The following EPHA7 variants were observed in gnomAD, a reference collection of about 807,000 sequenced individuals.
The protein encoded by EPHA7 is ephrin type-A receptor 7.
Under a neutral mutation model 112.6 loss-of-function variants are expected in EPHA7, and 25 were observed. The observed-to-expected ratio is 0.22, with a 90% CI of 0.16 to 0.31. The LOEUF (loss-of-function observed/expected upper bound fraction) is 0.31. Ranked by LOEUF, EPHA7 falls within the 10% of genes least tolerant of loss-of-function variation. The pLI is 1.00. For missense variants in EPHA7, 962 were observed against 1,212.6 expected (o/e 0.79, Z 3.07); for synonymous variants, 437 against 406.5 (o/e 1.07, Z -0.90).
chr6:93,342,269 C>T (rs1274035872), intron 5 of EPHA7, among the ~76,000 whole-genome samples: 6 of 151,152 alleles, frequency 4.0e-5, no homozygotes, highest in African/African-American at 1.5e-4. Flanking sequence ...TTCACTCTTG[C>T]TGTCCTATCC....
intron 1 of EPHA7, among the ~76,000 whole-genome samples, chr6:93,415,627 T>C (rs1036824065): frequency 1.3e-5 from 2 of 152,100 alleles, no homozygotes; most frequent in African/African-American, 4.8e-5. Context: ...ATTACTCTTC[T>C]AAAGCACTCA....
chr6:93,279,805 A>C (rs979592252), intron 5 of EPHA7, among the ~76,000 whole-genome samples: 1 of 152,034 alleles, frequency 6.6e-6, no homozygotes, highest in African/African-American at 2.4e-5. Context: ...TGAAAGAAGC[A>C]TTTCTTTTTC....
chr6:93,367,731 AAAT>A (rs148035862), intron 3 of EPHA7, among the ~76,000 whole-genome samples: 229 of 152,272 alleles, frequency 1.5e-3, no homozygotes, highest in African/African-American at 5.2e-3. Context: ...AAAATAGAGA[AAAT>A]AATAATAAGA....
chr6:93,345,879 A>T (rs545993725), intron 5 of EPHA7, among the ~76,000 whole-genome samples: 157 of 151,702 alleles, frequency 1.0e-3, no homozygotes, highest in Admixed American at 3.0e-3. Context: ...GCATCATTCC[A>T]CCAGATTGCT....
Position 93,325,119 on chromosome 6 carries a change from G to T in EPHA7, c.1324+31598C>A, listed in dbSNP as rs971880322. ...CTGAGTGAAGATTCTACCAGCTGAA[G>T]AAATATTTAGAATTGCCAGGAATAA... On this transcript the variant is annotated intron_variant, in intron 5 of 16. Coordinates refer to ENST00000369303, the MANE Select transcript of EPHA7 (RefSeq NM_004440.4). Among the ~76,000 whole-genome samples, 23 of 151,292 alleles carry T rather than the reference G, an allele frequency of 1.5e-4. 1 individual carries two copies. The highest frequency in any genetic ancestry group is 6.8e-3 in the Middle Eastern group (2 of 294).
At chr6:93,415,000 A>C (rs779904160) in intron 1 of EPHA7, among the ~76,000 whole-genome samples, 7 of 152,038 alleles carry the variant, frequency 4.6e-5, no homozygotes, top group Admixed American at 1.3e-4. Context: ...TAATTACAAT[A>C]TTAAATCTTA....
chr6:93,347,105 G>T (rs914981702), intron 5 of EPHA7, among the ~76,000 whole-genome samples: 6 of 151,752 alleles, frequency 4.0e-5, no homozygotes, highest in African/African-American at 1.4e-4. Flanking sequence ...TTACAAATTT[G>T]TATCTCCAAA....
chr6:93,407,606 C>G (rs1046761570), intron 3 of EPHA7, among the ~76,000 whole-genome samples: 10 of 152,080 alleles, frequency 6.6e-5, no homozygotes, highest in Admixed American at 6.6e-4. Context: ...TTCGATTAAA[C>G]CATAAGGCAG....
At chr6:93,356,652 C>T in intron 5 of EPHA7, 65 bp downstream of exon 5, 4 of 1,395,780 alleles carry the variant, frequency 2.9e-6, no homozygotes, top group Non-Finnish European at 3.0e-6. Context: ...ACTAAATGTT[C>T]AAGTAAGACA....
chr6:93,402,316 A>G (rs1398401772), intron 3 of EPHA7, among the ~76,000 whole-genome samples: 5 of 152,050 alleles, frequency 3.3e-5, no homozygotes, highest in Non-Finnish European at 7.4e-5. Context: ...TAAAACCTAC[A>G]ATGTTCTAAT....
chr6:93,244,960 T>A (rs1250005556), intron 16 of EPHA7, among the ~76,000 whole-genome samples: 1 of 152,162 alleles, frequency 6.6e-6, no homozygotes, highest in Non-Finnish European at 1.5e-5. Flanking sequence ...TGGATGGTGT[T>A]TAGAACACCA....
chr6:93,340,473 C>T (rs1034870860), intron 5 of EPHA7, among the ~76,000 whole-genome samples: 5 of 151,618 alleles, frequency 3.3e-5, no homozygotes, highest in East Asian at 1.9e-4. Context: ...TTTTGAGCAC[C>T]GAAATGATGC....
chr6:93,353,923 A>G (rs539420797), intron 5 of EPHA7, among the ~76,000 whole-genome samples: 6 of 152,166 alleles, frequency 3.9e-5, no homozygotes, highest in Admixed American at 3.3e-4. Context: ...TCAAAACTTA[A>G]CAGAAAAGGA....
chr6:93,293,595 T>C (rs559809973), intron 5 of EPHA7, among the ~76,000 whole-genome samples: 2 of 152,254 alleles, frequency 1.3e-5, no homozygotes, highest in East Asian at 3.9e-4. Context: ...TCAAACAACT[T>C]TGAACTCATG....
intron 5 of EPHA7, among the ~76,000 whole-genome samples, chr6:93,338,088 A>G (rs1482174466): frequency 6.6e-6 from 1 of 152,042 alleles, no homozygotes; most frequent in Non-Finnish European, 1.5e-5. Context: ...GAATATCATC[A>G]TGTTGCCCCC....
intron 5 of EPHA7, among the ~76,000 whole-genome samples, chr6:93,334,531 A>G (rs922695853): frequency 1.3e-5 from 2 of 152,132 alleles, no homozygotes; most frequent in African/African-American, 2.4e-5. Context: ...TAGGAACTTA[A>G]ACTAATTTTA....
chr6:93,383,078 C>A (rs191797613), intron 3 of EPHA7, among the ~76,000 whole-genome samples: 314 of 152,192 alleles, frequency 2.1e-3, no homozygotes, highest in Non-Finnish European at 3.8e-3. Flanking sequence ...AATCTCCATT[C>A]CCCACTCCCT....
intron 3 of EPHA7, among the ~76,000 whole-genome samples, chr6:93,371,260 GA>G (rs36084445): frequency 0.41 from 61,353 of 151,322 alleles, 12,997 homozygotes; most frequent in South Asian, 0.51. Flanking sequence ...AATATTTGGG[GA>G]AAAAAATAAC....
At chr6:93,282,525 G>C (rs138027995) in intron 5 of EPHA7, among the ~76,000 whole-genome samples, 1 of 152,222 alleles carries the variant, frequency 6.6e-6, no homozygotes, top group African/African-American at 2.4e-5. Context: ...GCGCCTCCTC[G>C]GCCTTGGCGC....
Sources: gnomAD v4.1 joint callset for allele counts (sites outside exome capture counted in the v4.1 genomes callset) on GRCh38, gnomAD v4.1.1 for gene constraint, MANE v1.5 for transcripts, NCBI Gene and HGNC (gene_info 2026-07-23, HGNC 2026-07-21) for gene names.